Variants in MICAL3 observed in about 807,000 individuals in gnomAD.
MICAL3 encodes microtubule associated monooxygenase, calponin and LIM domain containing 3.
A neutral mutation model predicts 207.4 loss-of-function variants in MICAL3; 62 were observed. The observed-to-expected ratio is 0.30, with a 90% confidence interval of 0.24 to 0.37. MICAL3 has a LOEUF of 0.37. Ranked by LOEUF, MICAL3 falls within the 10% of genes least tolerant of loss-of-function variation. MICAL3 has a pLI of 1.00. For missense variants in MICAL3, 2,368 were observed against 2,635.6 expected, an observed-to-expected ratio of 0.90 and a Z score of 2.22; for synonymous variants, 1,077 against 1,069.3, an observed-to-expected ratio of 1.01 and a Z score of -0.14.
At chr22:17,802,906 G>A (rs2061954315) in intron 29 of MICAL3, among the ~76,000 whole-genome samples, 1 of 152,158 alleles carries the variant, frequency 6.6e-6, no homozygotes, top group African/African-American at 2.4e-5. Context: ...AGCTGCCCAG[G>A]AGAAAAGCTG....
intron 1 of MICAL3, among the ~76,000 whole-genome samples, chr22:17,924,085 T>C (rs1194947037): frequency 1.3e-5 from 2 of 152,206 alleles, no homozygotes; most frequent in South Asian, 2.1e-4. Flanking sequence ...AAGAAAAGCA[T>C]GGAGGTAACC....
At chr22:17,922,534 T>C (rs1932825035) in intron 1 of MICAL3, among the ~76,000 whole-genome samples, 1 of 152,166 alleles carries the variant, frequency 6.6e-6, no homozygotes, top group Non-Finnish European at 1.5e-5. Context: ...CATTCCAGGA[T>C]GATCCTCACC....
At chr22:17,994,741 A>G (rs1198346369) in intron 1 of MICAL3, among the ~76,000 whole-genome samples, 1 of 152,116 alleles carries the variant, frequency 6.6e-6, no homozygotes, top group Non-Finnish European at 1.5e-5. Context: ...AAAGAAAAAA[A>G]AAGAAGCATG....
intron 16 of MICAL3, among the ~76,000 whole-genome samples, chr22:17,877,669 C>CCAGG (rs1430332972): frequency 6.6e-6 from 1 of 151,856 alleles, no homozygotes; most frequent in Non-Finnish European, 1.5e-5. Flanking sequence ...CAGCCTGGAG[C>CCAGG]CCTGCACTGA....
intron 1 of MICAL3, among the ~76,000 whole-genome samples, chr22:17,974,856 C>G (rs943119111): frequency 9.9e-5 from 15 of 152,016 alleles, no homozygotes; most frequent in African/African-American, 3.4e-4. Context: ...ACTTTACACA[C>G]TAGAGTTCTT....
chr22:17,896,288 C>T lies in MICAL3; in HGVS notation c.1280G>A (p.Ser427Asn). The change falls in exon 9 of 32, where the codon AGT becomes AAT. Residue 427 changes from serine to asparagine, a missense_variant. Ser to Asn is a conservative substitution (Grantham distance 46, BLOSUM62 1). Coordinates refer to ENST00000441493, the MANE Select transcript of MICAL3 (RefSeq NM_015241.3). ...CAAAGGGCTCGTTCCTAGAGACCAA[C>T]TTCGGACCATCCAGGCAGAGTCCAT... ...AAMDSAWMVR[S>N]WSLGTSPLEV... 6.4e-7 allele frequency: 1 copy of T among 1,560,432 alleles called. No homozygotes were observed. The highest frequency in any genetic ancestry group is 1.2e-5 in the South Asian group (1 of 84,408).
chr22:18,019,806 ATTTTTTTTT>A (rs34107345), intron 1 of MICAL3: 2 of 77,870 alleles, frequency 2.6e-5, no homozygotes, highest in East Asian at 4.1e-4. Context: ...AATGCTGCTG[ATTTTTTTTT>A]TTTTTTTTTT....
At chr22:17,861,092 C>T in intron 19 of MICAL3, 1 of 985,352 alleles carries the variant, frequency 1.0e-6, no homozygotes, top group African/African-American at 1.7e-5. Context: ...TTCTCTTGCT[C>T]CACTAAAAAG....
intron 24 of MICAL3, 88 bp from the exon 25 acceptor site, chr22:17,821,597 G>C (rs1329914491): frequency 9.0e-7 from 1 of 1,115,820 alleles, no homozygotes; most frequent in Non-Finnish European, 1.3e-6. Context: ...AGAGGGTGGA[G>C]GGGAGGGTAG....
At chr22:17,874,358 TGAGG>T (rs1375037713) in intron 16 of MICAL3, among the ~76,000 whole-genome samples, 1 of 151,998 alleles carries the variant, frequency 6.6e-6, no homozygotes, top group African/African-American at 2.4e-5. Context: ...CAGCTGACAC[TGAGG>T]GAGCAGAAAA....
chr22:17,896,668 T>G, intron 8 of MICAL3, 56 bp downstream of exon 8: 1 of 1,568,534 alleles, frequency 6.4e-7, no homozygotes, highest in Admixed American at 1.7e-5. Flanking sequence ...GATGCCCAGA[T>G]TCACTCCTAA....
chr22:17,872,171 G>A, intron 16 of MICAL3, 148 bp from the exon 17 acceptor site: 1 of 675,590 alleles, frequency 1.5e-6, no homozygotes, highest in East Asian at 2.7e-5. Context: ...GGTCAACTGT[G>A]CTCTTGGCTC....
Position 17,818,865 on chromosome 22 carries a change from G to A in MICAL3, c.3796C>T (p.Pro1266Ser). The A allele has an allele frequency of 6.5e-7, 1 of 1,546,878 alleles. No individual in the cohort carries two copies. The change falls in exon 26 of 32, where the codon CCT (proline) becomes TCT (serine). Residue 1266 changes from proline to serine, a missense_variant. Pro to Ser is a moderately conservative substitution (Grantham distance 74, BLOSUM62 -1). Transcript: ENST00000441493. ...SPLPICSQPQ[P>S]STEATVPSPT... is the part of the protein sequence containing the mutation. The stretch of plus-strand genomic sequence containing the variant: ...GATGGGACAGTGGCCTCGGTGGAAG[G>A]CTGGGGCTGGGAGCAGATGGGGAGT...
intron 1 of MICAL3, among the ~76,000 whole-genome samples, chr22:18,006,977 C>G (rs1298482606): frequency 6.6e-6 from 1 of 152,198 alleles, no homozygotes; most frequent in Non-Finnish European, 1.5e-5. Context: ...TCGTCTCAGC[C>G]AACTGAGTAG....
In MICAL3 at chr22:17,921,521, C is replaced by T. The variant is rs1932799838; in HGVS notation, c.-74-14635G>A. The stretch of plus-strand genomic sequence containing the variant: ...CTTTTGTGTGTGTGATGGAGTCTTG[C>T]TCTGTTGCCCAGGCTGGAGTGCAGT... On this transcript the variant is annotated intron_variant, in intron 1 of 31. Coordinates refer to ENST00000441493, the MANE Select transcript of MICAL3 (RefSeq NM_015241.3). 2.6e-5 allele frequency among the ~76,000 whole-genome samples: 4 copies of T among 152,144 alleles called. No homozygotes were observed. In the South Asian group the frequency reaches 8.3e-4, roughly 31 times the overall value.
intron 1 of MICAL3, among the ~76,000 whole-genome samples, chr22:17,918,202 G>A (rs1193731239): frequency 1.3e-5 from 2 of 152,056 alleles, no homozygotes; most frequent in Non-Finnish European, 2.9e-5. Flanking sequence ...AAGCTAAGGA[G>A]GACCAGAGTT....
rs1395453955 is a variant in MICAL3 at position 17,902,881 on chromosome 22, C to T, written c.473-134G>A. On this transcript the variant is annotated intron_variant, in intron 3 of 31. Transcript: ENST00000441493. This position sits in a 1 kb window ranked among gnomAD's most constrained non-coding sequence, Gnocchi z 4.5. ...TCCCAAAGCCTGCTGTAGCAGGAGA[C>T]CTTCCAAAGCCACGCTCTGTAACTT... 1 of 600,004 alleles carries T rather than the reference C, an allele frequency of 1.7e-6. No homozygotes were observed. The highest frequency in any genetic ancestry group is 1.9e-5 in the African/African-American group (1 of 53,816). 37.2% of individuals were successfully genotyped at this position (600,004 alleles called of 1,614,324 possible). A position where few individuals can be genotyped will look rare whatever the true frequency, so the allele number is the denominator to read the frequency against.
In MICAL3 at chr22:17,801,344, G is replaced by A. The variant is rs1439605954; in HGVS notation, c.5650+7500C>T. Among the ~76,000 whole-genome samples the A allele has an allele frequency of 5.7e-5, 5 of 87,206 alleles. 1 individual carries two copies. The highest frequency in any genetic ancestry group is 1.0e-4 in the Non-Finnish European group (5 of 48,808). The allele number at this position is 87,206 out of a possible 152,430, so 57.2% of individuals were successfully genotyped here. On this transcript the variant is annotated intron_variant, in intron 29 of 31. Coordinates refer to ENST00000441493, the MANE Select transcript of MICAL3 (RefSeq NM_015241.3). ...ATTTTTTTGTATTTTTAGTAGAGAC[G>A]GGGTTTCACCGTTTTAGCCGGGATG...
At chr22:17,982,877 C>G (rs1214782959) in intron 1 of MICAL3, among the ~76,000 whole-genome samples, 1 of 152,190 alleles carries the variant, frequency 6.6e-6, no homozygotes, top group East Asian at 1.9e-4. Context: ...TTAAATCCTT[C>G]AACAGTCTGA....
Sources: gnomAD v4.1 joint callset for allele counts (sites outside exome capture counted in the v4.1 genomes callset) on GRCh38, gnomAD v4.1.1 for gene constraint, Gnocchi (gnomAD v3.1) non-coding constraint, MANE v1.5 for transcripts, NCBI Gene and HGNC (gene_info 2026-07-23, HGNC 2026-07-21) for gene names.